The following GDAP2 variants were observed in gnomAD, a reference collection of about 807,000 sequenced individuals.
GDAP2 encodes ganglioside-induced differentiation-associated protein 2.
A neutral mutation model predicts 67.0 loss-of-function variants in GDAP2; 51 were observed. The observed-to-expected ratio is 0.76, with a 90% CI of 0.61 to 0.96. GDAP2 has a LOEUF of 0.96. Ranked by LOEUF, GDAP2 falls within the 40% of genes least tolerant of loss-of-function variation. The pLI is 0.00. For synonymous variants in GDAP2, 203 were observed against 207.3 expected (o/e 0.98, Z 0.18); for missense variants, 547 against 588.3 (o/e 0.93, Z 0.73).
chr1:117,926,607 T>C (rs764830531), intron 1 of GDAP2, among the ~76,000 whole-genome samples: 55 of 152,264 alleles, frequency 3.6e-4, no homozygotes, highest in Non-Finnish European at 6.6e-4. Context: ...CCTAAACACA[T>C]ATACACCTTA....
Position 117,920,363 on chromosome 1 carries a change from G to A in GDAP2, c.-6C>T. ...GGTGCACCTAAGGGATCCATGGAAT[G>A]GGAACTTTGATTTGTCTTTTCCCAA... On this transcript the variant is annotated 5_prime_UTR_variant, in exon 2 of 14. Transcript: ENST00000369443. 6.3e-7 allele frequency: 1 copy of A among 1,576,894 alleles called. No individual in the cohort carries two copies. The highest frequency in any genetic ancestry group is 8.6e-7 in the Non-Finnish European group (1 of 1,161,308).
At position 117,867,508 on chromosome 1, in the gene GDAP2, G is replaced by A. The variant is rs1648109423; in HGVS notation, c.*3061C>T. The stretch of plus-strand genomic sequence containing the variant: ...GTTTGAGACCAGTCTGGCCAACATG[G>A]TGAAACCCTGTCTCTACTGAAAAAA... On this transcript the variant is annotated 3_prime_UTR_variant, in exon 14 of 14. Coordinates refer to ENST00000369443, the MANE Select transcript of GDAP2 (RefSeq NM_017686.4). The A allele has an allele frequency of 7.0e-6, 1 of 143,410 alleles. No homozygotes were observed. The highest frequency in any genetic ancestry group is 1.5e-5 in the Non-Finnish European group (1 of 68,060). The allele number at this position is 143,410 out of a possible 1,614,324, so 8.9% of individuals were successfully genotyped here.
intron 6 of GDAP2, among the ~76,000 whole-genome samples, chr1:117,905,642 C>G (rs1649628640): frequency 6.6e-6 from 1 of 152,094 alleles, no homozygotes; most frequent in African/African-American, 2.4e-5. Context: ...AGGAAACAAC[C>G]ATGATTTTTT....
intron 7 of GDAP2, among the ~76,000 whole-genome samples, chr1:117,898,211 A>G (rs1649327480): frequency 6.6e-6 from 1 of 152,236 alleles, no homozygotes; most frequent in African/African-American, 2.4e-5. Flanking sequence ...AGTCACAGGC[A>G]TGAGGATTTC....
chr1:117,918,128 T>C (rs1317288508), intron 3 of GDAP2, among the ~76,000 whole-genome samples: 2 of 152,232 alleles, frequency 1.3e-5, no homozygotes, highest in Non-Finnish European at 2.9e-5. Flanking sequence ...GTTTACATTT[T>C]AAGAAACATT....
chr1:117,918,794 T>A, intron 2 of GDAP2, 58 bp from the exon 3 acceptor site: 1 of 1,318,562 alleles, frequency 7.6e-7, no homozygotes, highest in Non-Finnish European at 1.1e-6. Context: ...GAAACCTAGT[T>A]TCTAATTATT....
intron 1 of GDAP2, among the ~76,000 whole-genome samples, chr1:117,924,347 T>C (rs747323483): frequency 6.6e-5 from 10 of 152,180 alleles, no homozygotes; most frequent in Non-Finnish European, 1.0e-4. Flanking sequence ...CGTGTTCTCA[T>C]TGTGTAGCTC....
intron 4 of GDAP2, 89 bp downstream of exon 4, chr1:117,912,441 A>G: frequency 8.5e-7 from 1 of 1,182,192 alleles, no homozygotes; most frequent in Non-Finnish European, 1.2e-6. Context: ...CTAGGTTTTT[A>G]ATCTTTAAAA....
At chr1:117,905,887 C>T (rs1366678616) in intron 6 of GDAP2, among the ~76,000 whole-genome samples, 1 of 152,002 alleles carries the variant, frequency 6.6e-6, no homozygotes, top group Non-Finnish European at 1.5e-5. Context: ...ATTTTATTAT[C>T]AAGAAAAACC....
chr1:117,902,560 A>G (rs1360481379), intron 6 of GDAP2, among the ~76,000 whole-genome samples: 1 of 152,166 alleles, frequency 6.6e-6, no homozygotes, highest in Non-Finnish European at 1.5e-5. Context: ...TGAAAAGGCT[A>G]TTCTTTCCCT....
intron 12 of GDAP2, among the ~76,000 whole-genome samples, chr1:117,881,122 T>G (rs574440479): frequency 1.3e-5 from 2 of 152,208 alleles, no homozygotes; most frequent in South Asian, 4.1e-4. Context: ...GCAGGTGTGA[T>G]GAAAGGGTAA....
Position 117,864,772 on chromosome 1 carries a change from T to G in GDAP2, c.*5797A>C, listed in dbSNP as rs1648003752. 6.6e-6 allele frequency: 1 copy of G among 152,150 alleles called. No individual in the cohort carries two copies. Among genetic ancestry groups the G allele is most frequent in the Non-Finnish European group, 1.5e-5 (1 of 68,034 alleles). 9.4% of individuals were successfully genotyped at this position (152,150 alleles called of 1,614,324 possible). A position where few individuals can be genotyped will look rare whatever the true frequency, so the allele number is the denominator to read the frequency against. On this transcript the variant is annotated 3_prime_UTR_variant, in exon 14 of 14. Coordinates refer to ENST00000369443, the MANE Select transcript of GDAP2 (RefSeq NM_017686.4). Reference sequence around the variant, plus strand: ...TAAAAAGTGAAGTACATTATTCAGTTTGAGAAAACTGGTCTACACGGTCGG... The same window carrying G: ...TAAAAAGTGAAGTACATTATTCAGTGTGAGAAAACTGGTCTACACGGTCGG...
intron 3 of GDAP2, among the ~76,000 whole-genome samples, chr1:117,917,613 C>T (rs2101162508): frequency 6.6e-6 from 1 of 152,304 alleles, no homozygotes; most frequent in Admixed American, 6.5e-5. Flanking sequence ...AGTAACCAGT[C>T]TTAAGTCACA....
At chr1:117,927,133 G>A (rs866107900) in intron 1 of GDAP2, among the ~76,000 whole-genome samples, 1 of 151,850 alleles carries the variant, frequency 6.6e-6, no homozygotes, top group African/African-American at 2.4e-5. Flanking sequence ...CTTTAGTGAA[G>A]AGGACCTAAA....
At chr1:117,878,535 T>A (rs1648545507) in intron 12 of GDAP2, among the ~76,000 whole-genome samples, 1 of 152,234 alleles carries the variant, frequency 6.6e-6, no homozygotes, top group African/African-American at 2.4e-5. Flanking sequence ...TGAAAATGGT[T>A]AATATCTCCA....
chr1:117,872,870 G>T lies in GDAP2; in HGVS notation c.1447-2254C>A, dbSNP rs796891387. ...AAATAAAATAATTTTATATAAAAAA[G>T]AAATACCTATAAAAATGTTTCACTG... is the stretch of plus-strand genomic sequence containing the variant. On this transcript the variant is annotated intron_variant, in intron 13 of 13. Transcript: ENST00000369443. 2.6e-5 allele frequency among the ~76,000 whole-genome samples: 4 copies of T among 152,010 alleles called. No homozygotes were observed. In the South Asian group the frequency reaches 8.3e-4, roughly 32 times the overall value.
At position 117,868,199 on chromosome 1, in the gene GDAP2, T is replaced by TATATG. The variant is rs1648139750; in HGVS notation, c.*2369_*2370insCATAT. On this transcript the variant is annotated 3_prime_UTR_variant, in exon 14 of 14. Transcript: ENST00000369443. Reference sequence around the variant, plus strand: ...CATTTCAATATCAAGGTCATTATATTTCTCCTCTAGGATTTGGTACTTTGA... The same window carrying TATATG: ...CATTTCAATATCAAGGTCATTATATTATATGTCTCCTCTAGGATTTGGTACTTTGA... 1 of 152,200 alleles carries TATATG rather than the reference T, an allele frequency of 6.6e-6. No homozygotes were observed. Among genetic ancestry groups the TATATG allele is most frequent in the Admixed American group, 6.5e-5 (1 of 15,278 alleles). The allele number at this position is 152,200 out of a possible 1,614,324, so 9.4% of individuals were successfully genotyped here. A position where few individuals can be genotyped will look rare whatever the true frequency, so the allele number is the denominator to read the frequency against.
chr1:117,874,784 G>A (rs1648398534), intron 13 of GDAP2, among the ~76,000 whole-genome samples: 1 of 152,204 alleles, frequency 6.6e-6, no homozygotes, highest in South Asian at 2.1e-4. Flanking sequence ...AGGCCATGCT[G>A]ATAAGGTCTC....
chr1:117,898,974 C>T, intron 7 of GDAP2, 83 bp downstream of exon 7: 1 of 1,002,314 alleles, frequency 1.0e-6, no homozygotes, highest in Non-Finnish European at 1.6e-6. Flanking sequence ...AAAGGTCAAG[C>T]TGAATTTCTT....
Sources: gnomAD v4.1 joint callset for allele counts (sites outside exome capture counted in the v4.1 genomes callset) on GRCh38, gnomAD v4.1.1 for gene constraint, MANE v1.5 for transcripts, NCBI Gene and HGNC (gene_info 2026-07-23, HGNC 2026-07-21) for gene names.